GPHN: variants seen among roughly 807,000 people sequenced by gnomAD.
GPHN encodes the protein gephyrin.
Under a neutral mutation model 95.5 loss-of-function variants are expected in GPHN, and 17 were observed. The ratio of observed to expected loss-of-function variants is 0.18; its 90% confidence interval spans 0.12 to 0.27. The LOEUF is 0.27. GPHN is among the 10% of genes least tolerant of loss of function. GPHN has a pLI of 1.00. For missense variants in GPHN, 660 were observed against 978.1 expected, an observed-to-expected ratio of 0.67 and a Z score of 4.34; for synonymous variants, 320 against 322.5, an observed-to-expected ratio of 0.99 and a Z score of 0.08.
chr14:67,663,848 C>T, the GPHN span, among the ~76,000 whole-genome samples: 16 of 152,242 alleles, frequency 1.1e-4, no homozygotes, highest in East Asian at 1.9e-4. Context: ...GTGCCAGGTT[C>T]GGGCCTGCCT....
At chr14:67,175,439 A>G (rs560511013) in intron 21 of GPHN, among the ~76,000 whole-genome samples, 7 of 151,982 alleles carry the variant, frequency 4.6e-5, no homozygotes, top group African/African-American at 1.7e-4. Context: ...TGGTCTATAT[A>G]TCTGTTTTGG....
chr14:67,302,030 C>A, the GPHN span: 1 of 1,611,260 alleles, frequency 6.2e-7, no homozygotes, highest in Non-Finnish European at 8.5e-7. Context: ...GAGCCCATTA[C>A]AGATGAGAGA....
At chr14:67,542,757 A>G in the GPHN span, among the ~76,000 whole-genome samples, 3 of 151,956 alleles carry the variant, frequency 2.0e-5, no homozygotes, top group Non-Finnish European at 4.4e-5. Context: ...CTGGAGTGCA[A>G]TGGCGCCATC....
the GPHN span, among the ~76,000 whole-genome samples, chr14:67,550,691 A>T: frequency 6.6e-6 from 1 of 152,182 alleles, no homozygotes; most frequent in Non-Finnish European, 1.5e-5. Flanking sequence ...AGATCTTTTG[A>T]TTTTTTAAGA....
intron 5 of GPHN, among the ~76,000 whole-genome samples, chr14:66,906,894 A>G (rs1488388984): frequency 2.0e-5 from 3 of 152,154 alleles, no homozygotes; most frequent in African/African-American, 7.2e-5. Flanking sequence ...GGTCACAGAT[A>G]TGGTCTATAT....
At chr14:67,693,021 T>G in the GPHN span, 2 of 1,614,066 alleles carry the variant, frequency 1.2e-6, no homozygotes, top group East Asian at 2.2e-5. Flanking sequence ...AGCTGAACAG[T>G]TGATGTACAC....
chr14:66,619,275 G>C (rs1262419165), intron 1 of GPHN, among the ~76,000 whole-genome samples: 2 of 152,104 alleles, frequency 1.3e-5, no homozygotes, highest in Non-Finnish European at 2.9e-5. Context: ...TTGGGTAGCT[G>C]TATGTTTAAC....
the GPHN span, among the ~76,000 whole-genome samples, chr14:67,531,975 G>A: frequency 7.7e-4 from 116 of 151,326 alleles, no homozygotes; most frequent in East Asian, 0.02. Context: ...TCCAGAGAAC[G>A]TGTTTTTGGG....
chr14:67,054,682 C>T (rs1377113858), intron 10 of GPHN, among the ~76,000 whole-genome samples: 1 of 152,184 alleles, frequency 6.6e-6, no homozygotes, highest in East Asian at 1.9e-4. Context: ...GAAGGCATCA[C>T]ATATCTGACT....
chr14:66,913,676 G>A (rs1478428844), intron 5 of GPHN, among the ~76,000 whole-genome samples: 1 of 151,922 alleles, frequency 6.6e-6, no homozygotes, highest in Non-Finnish European at 1.5e-5. Context: ...ACCAATTTGT[G>A]TTACTACTTA....
chr14:66,819,679 TA>T (rs1190710227), intron 3 of GPHN, among the ~76,000 whole-genome samples: 1 of 152,248 alleles, frequency 6.6e-6, no homozygotes, highest in Non-Finnish European at 1.5e-5. Flanking sequence ...GAAATCCCTT[TA>T]TTTTTTTAAT....
At chr14:67,440,334 G>T in the GPHN span, among the ~76,000 whole-genome samples, 20 of 152,212 alleles carry the variant, frequency 1.3e-4, no homozygotes, top group African/African-American at 3.4e-4. Context: ...GCAGACTGTG[G>T]TCTATGGCTC....
chr14:66,729,006 C>G (rs551338561), intron 2 of GPHN, among the ~76,000 whole-genome samples: 2 of 152,200 alleles, frequency 1.3e-5, no homozygotes, highest in East Asian at 3.9e-4. Context: ...TTGAGTCTTT[C>G]CAATGCTGTT....
At chr14:66,641,633 G>T (rs982343195) in intron 1 of GPHN, among the ~76,000 whole-genome samples, 13 of 150,254 alleles carry the variant, frequency 8.7e-5, no homozygotes, top group African/African-American at 2.9e-4. Flanking sequence ...ACCATCAATA[G>T]CTGATAGAAC....
intron 1 of GPHN, among the ~76,000 whole-genome samples, chr14:66,669,965 T>A (rs563954661): frequency 2.1e-4 from 32 of 152,336 alleles, no homozygotes; most frequent in Non-Finnish European, 2.2e-4. Context: ...CCTTTTTTCA[T>A]TCAGTTTGAG....
At chr14:67,651,284 C>G in the GPHN span, 1 of 1,597,898 alleles carries the variant, frequency 6.3e-7, no homozygotes, top group South Asian at 1.1e-5. Flanking sequence ...CATCCTTGAA[C>G]TGTCAGCCCA....
intron 1 of GPHN, among the ~76,000 whole-genome samples, chr14:66,595,120 G>A (rs2061917987): frequency 6.6e-6 from 1 of 152,184 alleles, no homozygotes; most frequent in South Asian, 2.1e-4. Context: ...AGCTGTTAGA[G>A]TGGCTACTTT....
the GPHN span, among the ~76,000 whole-genome samples, chr14:67,225,958 TGTGTGCGCGC>T: frequency 3.8e-5 from 5 of 130,176 alleles, no homozygotes; most frequent in African/African-American, 1.7e-4. Flanking sequence ...TGTGTGTGTG[TGTGTGCGCGC>T]GCGCGCGTGC....
chr14:67,382,525 C>G, the GPHN span: 17 of 1,613,878 alleles, frequency 1.1e-5, no homozygotes, highest in East Asian at 3.3e-4. Flanking sequence ...TGTCCTCAGT[C>G]AAGCTATGGC....
Sources: gnomAD v4.1 joint callset for allele counts (sites outside exome capture counted in the v4.1 genomes callset) on GRCh38, gnomAD v4.1.1 for gene constraint, MANE v1.5 for transcripts, NCBI Gene and HGNC (gene_info 2026-07-23, HGNC 2026-07-21) for gene names.